The following WDR25 variants were observed in gnomAD, a reference collection of about 807,000 sequenced individuals.
WDR25 encodes WD repeat domain 25.
A neutral mutation model predicts 47.7 loss-of-function variants in WDR25; 35 were observed. That is an observed-to-expected ratio of 0.73 (90% CI 0.56 to 0.97). The LOEUF is 0.97. Ranked by LOEUF, WDR25 falls within the 50% of genes least tolerant of loss-of-function variation. WDR25 has a pLI of 0.00. For synonymous variants in WDR25, 248 were observed against 278.9 expected, an observed-to-expected ratio of 0.89 and a Z score of 1.10; for missense variants, 634 against 704.7, an observed-to-expected ratio of 0.90 and a Z score of 1.14.
At chr14:100,439,125 C>T (rs1416216086) in intron 2 of WDR25, among the ~76,000 whole-genome samples, 1 of 152,254 alleles carries the variant, frequency 6.6e-6, no homozygotes, top group African/African-American at 2.4e-5. Flanking sequence ...TGAAGTCCTC[C>T]TTTCTGACCC....
intron 4 of WDR25, chr14:100,504,705 T>C (rs1901053644): frequency 6.6e-6 from 1 of 152,248 alleles, no homozygotes; most frequent in African/African-American, 2.4e-5. Context: ...CAGGTCTGTA[T>C]GTGAATATAC....
intron 1 of WDR25, chr14:100,376,842 A>G (rs190156142): frequency 2.0e-4 from 191 of 961,146 alleles, no homozygotes; most frequent in Admixed American, 8.0e-4. Flanking sequence ...TTGAATGGGA[A>G]TATCCTATTT....
chr14:100,457,592 T>C (rs1437142860), intron 2 of WDR25, among the ~76,000 whole-genome samples: 1 of 152,124 alleles, frequency 6.6e-6, no homozygotes, highest in Non-Finnish European at 1.5e-5. Flanking sequence ...AGAAGGAAAA[T>C]GATGCTAGAG....
intron 2 of WDR25, among the ~76,000 whole-genome samples, chr14:100,405,178 T>TTTTTTTTTTTTTTTTA (rs1897496992): frequency 2.7e-5 from 4 of 150,284 alleles, no homozygotes; most frequent in African/African-American, 7.4e-5. Flanking sequence ...CTTTTTTTTT[T>TTTTTTTTTTTTTTTTA]GAGATGGAGT....
intron 4 of WDR25, among the ~76,000 whole-genome samples, chr14:100,516,445 T>G (rs1408531289): frequency 6.6e-6 from 1 of 152,220 alleles, no homozygotes; most frequent in Non-Finnish European, 1.5e-5. Flanking sequence ...TGTTACTTAT[T>G]ATAAAGAAAG....
At chr14:100,480,127 T>C (rs555871682) in intron 3 of WDR25, among the ~76,000 whole-genome samples, 1 of 152,308 alleles carries the variant, frequency 6.6e-6, no homozygotes, top group Admixed American at 6.5e-5. Context: ...AAGACTGCTG[T>C]TTGTGATTCC....
intron 4 of WDR25, among the ~76,000 whole-genome samples, chr14:100,507,083 T>C (rs1434347513): frequency 6.6e-6 from 1 of 152,224 alleles, no homozygotes; most frequent in African/African-American, 2.4e-5. Context: ...AATTTTTGTA[T>C]ATGGTGAAAG....
chr14:100,412,853 A>T (rs1339936171), intron 2 of WDR25, among the ~76,000 whole-genome samples: 2 of 152,156 alleles, frequency 1.3e-5, no homozygotes, highest in Admixed American at 6.5e-5. Context: ...CGTTTTTGAG[A>T]CAGTCTTGCT....
At chr14:100,418,897 C>T (rs1044037934) in intron 2 of WDR25, among the ~76,000 whole-genome samples, 3 of 151,996 alleles carry the variant, frequency 2.0e-5, no homozygotes, top group African/African-American at 7.2e-5. Flanking sequence ...ACCTGAGACC[C>T]TGGCCTTGAA....
At chr14:100,385,527 A>C (rs1351488093) in intron 2 of WDR25, among the ~76,000 whole-genome samples, 1 of 152,240 alleles carries the variant, frequency 6.6e-6, no homozygotes, top group African/African-American at 2.4e-5. Flanking sequence ...CATACATTTC[A>C]ACTGGACACA....
chr14:100,500,795 G>T lies in WDR25; in HGVS notation c.1101+16671G>T, dbSNP rs928904067. ...TTTCAGAGTTGGGCTGCTCTTGGGG[G>T]TGGCTGCATTGTTAGAGCCTAGTTT... On this transcript the variant is annotated intron_variant, in intron 4 of 6. Transcript: ENST00000402312. This position sits in a 1 kb window ranked among gnomAD's most constrained non-coding sequence, Gnocchi z 4.7. 1.2e-4 allele frequency among the ~76,000 whole-genome samples: 19 copies of T among 152,210 alleles called. No homozygotes were observed. The highest frequency in any genetic ancestry group is 4.3e-4 in the African/African-American group (18 of 41,442).
chr14:100,399,399 C>A (rs1017934173), intron 2 of WDR25, among the ~76,000 whole-genome samples: 1 of 152,076 alleles, frequency 6.6e-6, no homozygotes, highest in Non-Finnish European at 1.5e-5. Context: ...GCATTTCCCC[C>A]CTTTTCCTTT....
chr14:100,468,272 G>A lies in WDR25; in HGVS notation c.970+104G>A. 6.8e-7 allele frequency: 1 copy of A among 1,481,056 alleles called. No homozygotes were observed. Among genetic ancestry groups the A allele is most frequent in the East Asian group, 2.3e-5 (1 of 43,384 alleles). The allele number at this position is 1,481,056 out of a possible 1,614,324, so 91.7% of individuals were successfully genotyped here. A position where few individuals can be genotyped will look rare whatever the true frequency, so the allele number is the denominator to read the frequency against. On this transcript the variant is annotated intron_variant, in intron 3 of 6. Transcript: ENST00000402312. This position sits in a 1 kb window ranked among gnomAD's most constrained non-coding sequence, Gnocchi z 4.5. ...ACAAGCTGTATACGCTTGCGTGGCAGAGGGAGAGGGGCCTCAGGGTGGGCT... is the reference window on the plus strand; with the variant it reads ...ACAAGCTGTATACGCTTGCGTGGCAAAGGGAGAGGGGCCTCAGGGTGGGCT...
At position 100,418,030 on chromosome 14, in the gene WDR25, C is replaced by T. The variant is rs1897918445; in HGVS notation, c.822+36284C>T. On this transcript the variant is annotated intron_variant, in intron 2 of 6. Coordinates refer to ENST00000402312, the MANE Select transcript of WDR25 (RefSeq NM_001161476.3). ...CATCTCAGCTCACTGTAACCTCTGC[C>T]TCCTGGGTTCAAGCAATTCTCTTGC... is the stretch of plus-strand genomic sequence containing the variant. 2.0e-5 allele frequency among the ~76,000 whole-genome samples: 3 copies of T among 151,878 alleles called. No homozygotes were observed. The South Asian group carries it at 6.2e-4, about 32-fold the overall frequency.
Position 100,428,729 on chromosome 14 carries a change from C to T in WDR25, c.823-39292C>T, listed in dbSNP as rs1385007475. Among the ~76,000 whole-genome samples the T allele has an allele frequency of 6.6e-6, 1 of 152,212 alleles. No individual in the cohort carries two copies. Among genetic ancestry groups the T allele is most frequent in the African/African-American group, 2.4e-5 (1 of 41,456 alleles). ...TTCTTCAAGTGGATGTATTTTTGAA[C>T]ATTTGATACCTTCTTTCAAAAGTGC... On this transcript the variant is annotated intron_variant, in intron 2 of 6. Transcript: ENST00000402312. This position sits in a 1 kb window ranked among gnomAD's most constrained non-coding sequence, Gnocchi z 4.3.
chr14:100,377,863 A>G (rs1896755174), intron 1 of WDR25, among the ~76,000 whole-genome samples: 1 of 152,192 alleles, frequency 6.6e-6, no homozygotes, highest in African/African-American at 2.4e-5. Flanking sequence ...GTCTGGAATG[A>G]CTTAGAAAAG....
intron 3 of WDR25, among the ~76,000 whole-genome samples, chr14:100,475,602 A>G (rs1899991363): frequency 6.6e-6 from 1 of 152,222 alleles, no homozygotes; most frequent in African/African-American, 2.4e-5. Context: ...AGCGTTGAGT[A>G]GAAAGGTGTT....
intron 2 of WDR25, among the ~76,000 whole-genome samples, chr14:100,434,290 T>G (rs1362014706): frequency 6.6e-6 from 1 of 152,222 alleles, no homozygotes; most frequent in African/African-American, 2.4e-5. Context: ...GCTGTGGGGT[T>G]CATTCTGCCC....
intron 2 of WDR25, among the ~76,000 whole-genome samples, chr14:100,393,213 C>T (rs964526578): frequency 7.4e-4 from 112 of 152,228 alleles, no homozygotes; most frequent in Non-Finnish European, 1.2e-4. Flanking sequence ...TTCTCTCTCC[C>T]TACTCACAGT....
Sources: gnomAD v4.1 joint callset for allele counts (sites outside exome capture counted in the v4.1 genomes callset) on GRCh38, gnomAD v4.1.1 for gene constraint, Gnocchi (gnomAD v3.1) non-coding constraint, MANE v1.5 for transcripts, NCBI Gene and HGNC (gene_info 2026-07-23, HGNC 2026-07-21) for gene names.